Variants in EXO5 observed in about 807,000 individuals in gnomAD.
EXO5 encodes exonuclease 5, also known as exonuclease V.
A neutral mutation model predicts 17.8 loss-of-function variants in EXO5; 11 were observed. The observed-to-expected ratio is 0.62, with a 90% confidence interval of 0.39 to 1.02. EXO5 has a LOEUF of 1.02. Among genes scored for constraint, EXO5 ranks in the 50% least tolerant of loss-of-function variants. EXO5 has a pLI of 0.00. For missense variants in EXO5, 364 were observed against 434.8 expected, an observed-to-expected ratio of 0.84 and a Z score of 1.45; for synonymous variants, 147 against 166.5, an observed-to-expected ratio of 0.88 and a Z score of 0.90.
intron 3 of EXO5, 89 bp from the exon 4 acceptor site, chr1:40,514,426 C>T (rs896840440): frequency 1.3e-5 from 13 of 1,016,990 alleles, no homozygotes; most frequent in Non-Finnish European, 1.7e-5. Flanking sequence ...AATAATTTGT[C>T]ATAATTTTGT....
intron 3 of EXO5, among the ~76,000 whole-genome samples, chr1:40,514,203 C>T (rs1195903709): frequency 6.6e-6 from 1 of 151,578 alleles, no homozygotes; most frequent in Non-Finnish European, 1.5e-5. Flanking sequence ...TGGCATGAAC[C>T]CGGGAGGCAG....
rs2124492181 is a variant in EXO5, at chr1:40,514,715, C to G, written c.171C>G (p.Pro57=). Residue 57 remains proline, a synonymous_variant, in exon 4 of 4, where the codon CCC becomes CCG. Coordinates refer to ENST00000415550, the MANE Select transcript of EXO5 (RefSeq NM_001346953.2). The part of the protein sequence containing the change: ...SSESLGKDDK[P]ISLQNWKRGL... ...AATCCCTTGGGAAGGATGACAAACC[C>G]ATAAGCTTACAAAACTGGAAAAGAG... 2 of 1,614,158 alleles carry G rather than the reference C, an allele frequency of 1.2e-6. No homozygotes were observed. Among genetic ancestry groups the G allele is most frequent in the South Asian group, 2.2e-5 (2 of 91,076 alleles).
At chr1:40,510,145 A>C (rs1355966569) in intron 3 of EXO5, among the ~76,000 whole-genome samples, 1 of 151,940 alleles carries the variant, frequency 6.6e-6, no homozygotes, top group East Asian at 1.9e-4. Flanking sequence ...ACTACCTAAC[A>C]ATTTTGCCAT....
intron 3 of EXO5, among the ~76,000 whole-genome samples, chr1:40,514,232 A>T (rs1458345418): frequency 6.6e-6 from 1 of 151,750 alleles, no homozygotes; most frequent in Non-Finnish European, 1.5e-5. Context: ...GTGAGCCGAG[A>T]TCGCGCAACT....
At position 40,514,874 on chromosome 1, in the gene EXO5, G is replaced by A; in HGVS notation, c.330G>A (p.Lys110=). The change falls in exon 4 of 4, where the codon AAG becomes AAA. Residue 110 remains lysine (K), a synonymous_variant. Coordinates refer to ENST00000415550, the MANE Select transcript of EXO5 (RefSeq NM_001346953.2). ...KELPGFLAPE[K]AAVLDTGASI... ...TTCCTGGTTTCTTGGCACCTGAGAA[G>A]GCAGCTGTGTTGGACACTGGTGCCA... 1 of 1,614,176 alleles carries A rather than the reference G, an allele frequency of 6.2e-7. No homozygotes were observed. The highest frequency in any genetic ancestry group is 1.6e-4 in the Middle Eastern group (1 of 6,062).
At position 40,514,565 on chromosome 1, in the gene EXO5, G is replaced by C. The variant is rs942087109; in HGVS notation, c.21G>C (p.Glu7Asp). The C allele has an allele frequency of 9.3e-6, 15 of 1,613,712 alleles. No homozygotes were observed. The highest frequency in any genetic ancestry group is 1.3e-5 in the Non-Finnish European group (15 of 1,179,918). The change falls in exon 4 of 4, where the codon GAG (glutamate) becomes GAC (aspartate). Residue 7 changes from glutamate to aspartate, a missense_variant. By Grantham distance (45) the Glu-to-Asp change is conservative (BLOSUM62 2). Transcript: ENST00000415550. The stretch of plus-strand genomic sequence containing the variant: ...GTACCATGGCAGAGACAAGAGAAGA[G>C]GAGACAGTGTCAGCAGAAGCCTCAG... MAETRE[E>D]ETVSAEASGF...
chr1:40,514,573 T>C lies in EXO5; in HGVS notation c.29T>C (p.Val10Ala), dbSNP rs1645842526. Reference sequence around the variant, plus strand: ...GCAGAGACAAGAGAAGAGGAGACAGTGTCAGCAGAAGCCTCAGGGTTCTCA... The same window carrying C: ...GCAGAGACAAGAGAAGAGGAGACAGCGTCAGCAGAAGCCTCAGGGTTCTCA... MAETREEET[V>A]SAEASGFSDL... Residue 10 changes from valine to alanine, a missense_variant, in exon 4 of 4, where the codon GTG becomes GCG. Val to Ala is a moderately conservative substitution (Grantham distance 64). Transcript: ENST00000415550. 1.2e-6 allele frequency: 2 copies of C among 1,613,978 alleles called. No individual in the cohort carries two copies. The highest frequency in any genetic ancestry group is 1.7e-6 in the Non-Finnish European group (2 of 1,179,970).
Position 40,514,866 on chromosome 1 carries a change from C to G in EXO5, c.322C>G (p.Pro108Ala), listed in dbSNP as rs747677933. Reference sequence around the variant, plus strand: ...GAAGGAGCTTCCTGGTTTCTTGGCACCTGAGAAGGCAGCTGTGTTGGACAC... The same window carrying G: ...GAAGGAGCTTCCTGGTTTCTTGGCAGCTGAGAAGGCAGCTGTGTTGGACAC... ...YGKELPGFLAPEKAAVLDTGA... is the reference protein window; with the variant it reads ...YGKELPGFLAAEKAAVLDTGA... Residue 108 changes from proline (P) to alanine (A), a missense_variant, in exon 4 of 4, where the codon CCT becomes GCT. Pro to Ala is a conservative substitution (Grantham distance 27). Coordinates refer to ENST00000415550, the MANE Select transcript of EXO5 (RefSeq NM_001346953.2). 6.2e-6 allele frequency: 10 copies of G among 1,614,016 alleles called. No homozygotes were observed. In the African/African-American group the frequency reaches 1.3e-4, roughly 22 times the overall value.
In EXO5 at chr1:40,514,941, A is replaced by T. The variant is rs1373268528; in HGVS notation, c.397A>T (p.Thr133Ser). The T allele has an allele frequency of 6.2e-7, 1 of 1,614,130 alleles. No homozygotes were observed. The highest frequency in any genetic ancestry group is 8.5e-7 in the Non-Finnish European group (1 of 1,180,028). ...AGAACTAGAACTTCATGATCTTGTG[A>T]CTGTCCCAGTCACCACTAAAGAAGA... ...ARELELHDLVTVPVTTKEDAW... is the reference protein window; with the variant it reads ...ARELELHDLVSVPVTTKEDAW... Residue 133 changes from threonine (T) to serine (S), a missense_variant, in exon 4 of 4, where the codon ACT becomes TCT. Physicochemically the swap from Thr to Ser is moderately conservative, Grantham distance 58. Coordinates refer to ENST00000415550, the MANE Select transcript of EXO5 (RefSeq NM_001346953.2).
chr1:40,515,828 C>T lies in EXO5; in HGVS notation c.*162C>T, dbSNP rs1026354049. ...CCACATTCAGTCCAGGACCAAGGCTCAGGGATGAGTGGGAGAGATGGGTTA... is the reference window on the plus strand; with the variant it reads ...CCACATTCAGTCCAGGACCAAGGCTTAGGGATGAGTGGGAGAGATGGGTTA... On this transcript the variant is annotated 3_prime_UTR_variant, in exon 4 of 4. Coordinates refer to ENST00000415550, the MANE Select transcript of EXO5 (RefSeq NM_001346953.2). 4.3e-6 allele frequency: 3 copies of T among 699,566 alleles called. No individual in the cohort carries two copies. Among genetic ancestry groups the T allele is most frequent in the African/African-American group, 3.6e-5 (2 of 55,348 alleles). 43.3% of individuals were successfully genotyped at this position (699,566 alleles called of 1,614,324 possible). A position where few individuals can be genotyped will look rare whatever the true frequency, so the allele number is the denominator to read the frequency against.
chr1:40,511,865 A>T (rs1470049372), intron 3 of EXO5, among the ~76,000 whole-genome samples: 2 of 149,850 alleles, frequency 1.3e-5, no homozygotes. Flanking sequence ...TAATTTGCCT[A>T]GTTTCTTTTT....
In EXO5 at chr1:40,515,010, A is replaced by G. The variant is rs1645855137; in HGVS notation, c.466A>G (p.Thr156Ala). 2 of 1,613,938 alleles carry G rather than the reference A, an allele frequency of 1.2e-6. No individual in the cohort carries two copies. Among genetic ancestry groups the G allele is most frequent in the Middle Eastern group, 1.6e-4 (1 of 6,084 alleles). The change falls in exon 4 of 4, where the codon ACC becomes GCC. Residue 156 changes from threonine (T) to alanine (A), a missense_variant. By Grantham distance (58) the Thr-to-Ala change is moderately conservative. Coordinates refer to ENST00000415550, the MANE Select transcript of EXO5 (RefSeq NM_001346953.2). ...TCTGAACATACTTTTGCTGATTCCT[A>G]CCCTGCAGTCAGAAGGGCACATCAG... ...KFLNILLLIP[T>A]LQSEGHIREF...
rs745914630 is a variant in EXO5 at position 40,515,528 on chromosome 1, C to T, written c.984C>T (p.Gly328=). 42 of 1,613,286 alleles carry T rather than the reference C, an allele frequency of 2.6e-5. No individual in the cohort carries two copies. The highest frequency in any genetic ancestry group is 3.6e-5 in the Non-Finnish European group (42 of 1,179,932). Residue 328 remains glycine, a synonymous_variant, in exon 4 of 4, where the codon GGC becomes GGT. Transcript: ENST00000415550. The part of the protein sequence containing the change: ...KVQHYMAYWM[G]HREPQGVDVE... ...AGCATTATATGGCCTACTGGATGGG[C>T]CACCGAGAGCCCCAGGGAGTTGACG...
rs772258497 is a variant in EXO5, at chr1:40,515,448, G to C, written c.904G>C (p.Val302Leu). The change falls in exon 4 of 4, where the codon GTG (valine) becomes CTG (leucine). Residue 302 changes from valine to leucine, a missense_variant. By Grantham distance (32) the Val-to-Leu change is conservative. Coordinates refer to ENST00000415550, the MANE Select transcript of EXO5 (RefSeq NM_001346953.2). ...IEYIHQETAT[V>L]LGTEIVAFKE... is the part of the protein sequence containing the mutation. ...GTATATCCACCAAGAGACTGCCACT[G>C]TGCTGGGTACTGAGATTGTAGCCTT... The C allele has an allele frequency of 6.2e-7, 1 of 1,614,070 alleles. No individual in the cohort carries two copies. The highest frequency in any genetic ancestry group is 1.1e-5 in the South Asian group (1 of 91,058).
chr1:40,513,197 A>C (rs1028079414), intron 3 of EXO5, among the ~76,000 whole-genome samples: 5 of 152,220 alleles, frequency 3.3e-5, no homozygotes, highest in Admixed American at 6.5e-5. Flanking sequence ...CAATTTCTAT[A>C]ATATTAAGAG....
At chr1:40,510,475 G>T (rs1645753791) in intron 3 of EXO5, among the ~76,000 whole-genome samples, 1 of 152,202 alleles carries the variant, frequency 6.6e-6, no homozygotes, top group South Asian at 2.1e-4. Flanking sequence ...TCTTATAGAT[G>T]AATACTTTCA....
Position 40,515,655 on chromosome 1 carries a change from A to C in EXO5, c.1111A>C (p.Lys371Gln). 6 of 1,610,710 alleles carry C rather than the reference A, an allele frequency of 3.7e-6. No homozygotes were observed. The highest frequency in any genetic ancestry group is 5.1e-6 in the Non-Finnish European group (6 of 1,178,744). ...CTCTACACTGGCGCCCCAAGTCAAA[A>C]AAGCCAAATGAATAGAAGGTATGCT... The part of the protein sequence containing the change: ...LSSTLAPQVK[K>Q]AK The change falls in exon 4 of 4, where the codon AAA becomes CAA. Residue 371 changes from lysine to glutamine, a missense_variant. Lys to Gln is a moderately conservative substitution (Grantham distance 53, BLOSUM62 1). Transcript: ENST00000415550.
intron 3 of EXO5, among the ~76,000 whole-genome samples, chr1:40,513,415 C>T (rs1057204180): frequency 3.3e-5 from 5 of 152,094 alleles, no homozygotes; most frequent in African/African-American, 1.2e-4. Flanking sequence ...AGTTGAGATT[C>T]ATTTTGCTCG....
rs1044064550 is a variant in EXO5, at chr1:40,508,818, C to T, written c.-354C>T. 2.6e-5 allele frequency: 4 copies of T among 152,342 alleles called. No homozygotes were observed. The highest frequency in any genetic ancestry group is 2.6e-4 in the Admixed American group (4 of 15,286). 9.4% of individuals were successfully genotyped at this position (152,342 alleles called of 1,614,324 possible). A position where few individuals can be genotyped will look rare whatever the true frequency, so the allele number is the denominator to read the frequency against. ...CGCTCCGGCAGCGCGCTCTGCCCGG[C>T]TTCCTCAGTCTCCTCGCCGGGAGCG... On this transcript the variant is annotated 5_prime_UTR_variant, in exon 1 of 4. Coordinates refer to ENST00000415550, the MANE Select transcript of EXO5 (RefSeq NM_001346953.2). The surrounding 1 kb of genome is among the most constrained non-coding windows in gnomAD (Gnocchi z 4.2).
Sources: gnomAD v4.1 joint callset for allele counts (sites outside exome capture counted in the v4.1 genomes callset) on GRCh38, gnomAD v4.1.1 for gene constraint, Gnocchi (gnomAD v3.1) non-coding constraint, MANE v1.5 for transcripts, NCBI Gene and HGNC (gene_info 2026-07-23, HGNC 2026-07-21) for gene names.